TRIQK: variants seen among roughly 807,000 people sequenced by gnomAD.
TRIQK encodes the protein triple QxxK/R motif-containing protein.
A neutral mutation model predicts 10.8 loss-of-function variants in TRIQK; 10 were observed. The observed-to-expected ratio is 0.92, with a 90% CI of 0.57 to 1.57. The LOEUF (loss-of-function observed/expected upper bound fraction) is 1.57. Ranked by LOEUF, TRIQK falls within the 40% of genes most tolerant of loss-of-function variation. The pLI is 0.00. For missense variants in TRIQK, 107 were observed against 97.7 expected, an observed-to-expected ratio of 1.09 and a Z score of -0.40; for synonymous variants, 33 against 33.7, an observed-to-expected ratio of 0.98 and a Z score of 0.07.
intron 1 of TRIQK, among the ~76,000 whole-genome samples, chr8:92,986,560 GT>G (rs1462424808): frequency 2.0e-5 from 3 of 152,074 alleles, no homozygotes; most frequent in Non-Finnish European, 4.4e-5. Flanking sequence ...TATAACTCAT[GT>G]TCTGTGAGTC....
chr8:92,969,715 T>C (rs544413170), upstream of TRIQK, among the ~76,000 whole-genome samples: 7 of 152,294 alleles, frequency 4.6e-5, no homozygotes, highest in East Asian at 1.2e-3. Flanking sequence ...CTATCACTTA[T>C]TGAAAGAAAG....
chr8:92,920,373 G>C (rs1052855008), intron 2 of TRIQK, among the ~76,000 whole-genome samples: 4 of 151,586 alleles, frequency 2.6e-5, no homozygotes, highest in Non-Finnish European at 5.9e-5. Flanking sequence ...AGTCAGACAA[G>C]AACTAGTCAT....
intron 1 of TRIQK, among the ~76,000 whole-genome samples, chr8:93,014,248 T>G (rs1474183056): frequency 6.6e-6 from 1 of 152,076 alleles, no homozygotes; most frequent in Non-Finnish European, 1.5e-5. Context: ...AATTTATAAA[T>G]TAGGCATTAC....
upstream of TRIQK, among the ~76,000 whole-genome samples, chr8:92,970,759 T>A (rs1199911010): frequency 6.6e-6 from 1 of 152,178 alleles, no homozygotes; most frequent in Non-Finnish European, 1.5e-5. Flanking sequence ...ATCTTTTCAC[T>A]CATGATAGTT....
intron 1 of TRIQK, among the ~76,000 whole-genome samples, chr8:93,013,609 G>A (rs1813357550): frequency 6.6e-6 from 1 of 151,948 alleles, no homozygotes; most frequent in South Asian, 2.1e-4. Context: ...AGAAATAGAA[G>A]CATCCCTCAA....
chr8:92,920,955 T>C (rs1378284526), intron 2 of TRIQK, among the ~76,000 whole-genome samples: 1 of 151,528 alleles, frequency 6.6e-6, no homozygotes, highest in Non-Finnish European at 1.5e-5. Context: ...GGGAGAGCCA[T>C]GAAGAATGGA....
intron 2 of TRIQK, among the ~76,000 whole-genome samples, chr8:92,920,063 T>G (rs1245329920): frequency 6.6e-6 from 1 of 151,820 alleles, no homozygotes; most frequent in African/African-American, 2.4e-5. Flanking sequence ...CTACTTATCT[T>G]TTCAAAAAAC....
upstream of TRIQK, among the ~76,000 whole-genome samples, chr8:92,967,524 T>C (rs1249655407): frequency 1.3e-5 from 2 of 152,140 alleles, no homozygotes; most frequent in Admixed American, 6.6e-5. Context: ...TTTAATCTTT[T>C]AAAAATATTT....
At chr8:92,985,699 A>G (rs545376612) in intron 1 of TRIQK, among the ~76,000 whole-genome samples, 3 of 152,304 alleles carry the variant, frequency 2.0e-5, no homozygotes, top group East Asian at 3.9e-4. Flanking sequence ...GCTTTTTAGT[A>G]ATAAAATGTT....
At chr8:93,006,106 G>A (rs1813268246) in intron 1 of TRIQK, among the ~76,000 whole-genome samples, 1 of 151,584 alleles carries the variant, frequency 6.6e-6, no homozygotes, top group Non-Finnish European at 1.5e-5. Flanking sequence ...TTTAACCACG[G>A]AGGCGAAAGG....
At chr8:93,000,484 G>A (rs1349604962) in intron 1 of TRIQK, among the ~76,000 whole-genome samples, 3 of 152,054 alleles carry the variant, frequency 2.0e-5, no homozygotes, top group Non-Finnish European at 4.4e-5. Context: ...AGAACAGCCT[G>A]GGAAAAGCCT....
At chr8:92,977,759 A>C (rs1177059830) in intron 1 of TRIQK, among the ~76,000 whole-genome samples, 2 of 151,818 alleles carry the variant, frequency 1.3e-5, no homozygotes, top group African/African-American at 2.4e-5. Flanking sequence ...TGGGTTCTGG[A>C]TATTTTTGTG....
upstream of TRIQK, among the ~76,000 whole-genome samples, chr8:92,970,698 G>C (rs950684181): frequency 6.6e-6 from 1 of 152,068 alleles, no homozygotes; most frequent in African/African-American, 2.4e-5. Flanking sequence ...GTAGATATTA[G>C]ACCTTTGTCA....
intron 1 of TRIQK, among the ~76,000 whole-genome samples, chr8:92,999,359 G>A (rs1339076753): frequency 6.6e-6 from 1 of 152,100 alleles, no homozygotes; most frequent in African/African-American, 2.4e-5. Context: ...AGACTTGGCT[G>A]TTGAATTTGA....
At chr8:92,896,743 T>C (rs1808619542) in intron 3 of TRIQK, among the ~76,000 whole-genome samples, 1 of 152,194 alleles carries the variant, frequency 6.6e-6, no homozygotes, top group Admixed American at 6.5e-5. Context: ...TTACTACTTT[T>C]TTCTTGCCTA....
intron 1 of TRIQK, among the ~76,000 whole-genome samples, chr8:92,977,184 T>G (rs1004215274): frequency 6.6e-6 from 1 of 152,062 alleles, no homozygotes; most frequent in African/African-American, 2.4e-5. Flanking sequence ...TGATGAAGTC[T>G]TTCACCTTTT....
chr8:92,898,834 T>TATATAA (rs1491099412), intron 3 of TRIQK, among the ~76,000 whole-genome samples: 1 of 2,880 alleles, frequency 3.5e-4, no homozygotes. Context: ...TGTGTGTGTG[T>TATATAA]ATATATATAT....
At chr8:92,941,473 A>C (rs1177608135) in intron 2 of TRIQK, among the ~76,000 whole-genome samples, 2 of 152,302 alleles carry the variant, frequency 1.3e-5, no homozygotes, top group South Asian at 2.1e-4. Context: ...TTAGAGCAAT[A>C]AATGCCAGCA....
At chr8:92,980,366 G>T (rs566311779) in intron 1 of TRIQK, among the ~76,000 whole-genome samples, 91 of 150,564 alleles carry the variant, frequency 6.0e-4, no homozygotes, top group African/African-American at 1.5e-3. Flanking sequence ...GGCATATGGG[G>T]GTGTGTGTGT....
Sources: gnomAD v4.1 joint callset for allele counts (sites outside exome capture counted in the v4.1 genomes callset) on GRCh38, gnomAD v4.1.1 for gene constraint, MANE v1.5 for transcripts, NCBI Gene and HGNC (gene_info 2026-07-23, HGNC 2026-07-21) for gene names.